ZNF518B: variants seen among roughly 807,000 people sequenced by gnomAD.
ZNF518B encodes zinc finger protein 518B.
In ZNF518B, 23 loss-of-function variants were observed where a neutral mutation model predicts 56.3. The observed-to-expected ratio is 0.41, with a 90% CI of 0.29 to 0.58. The LOEUF (loss-of-function observed/expected upper bound fraction) is 0.58, where lower values mean the gene tolerates loss of function less well. Ranked by LOEUF, ZNF518B falls within the 20% of genes least tolerant of loss-of-function variation. ZNF518B has a pLI of 0.32. For missense variants in ZNF518B, 1,460 were observed against 1,272.1 expected, an observed-to-expected ratio of 1.15 and a Z score of -2.25; for synonymous variants, 529 against 465.9, an observed-to-expected ratio of 1.14 and a Z score of -1.74.
rs371443084 is a variant in ZNF518B, at chr4:10,446,009, G to C, written c.320C>G (p.Ala107Gly). 1 of 1,614,004 alleles carries C rather than the reference G, an allele frequency of 6.2e-7. No individual in the cohort carries two copies. The highest frequency in any genetic ancestry group is 1.3e-5 in the African/African-American group (1 of 75,028). The change falls in exon 3 of 3, where the codon GCG (alanine) becomes GGG (glycine). Residue 107 changes from alanine to glycine, a missense_variant. Physicochemically the swap from Ala to Gly is moderately conservative, Grantham distance 60. Coordinates refer to ENST00000326756, the MANE Select transcript of ZNF518B (RefSeq NM_053042.3). ...TTCAGTTTTATTTCCAACATGAGTC[G>C]CACTGGAATTATTGCTCACAAAATG... is the stretch of plus-strand genomic sequence containing the variant. ...NFHFVSNNSS[A>G]THVGNKTENF...
chr4:10,448,017 C>A (rs768201945), intron 2 of ZNF518B, among the ~76,000 whole-genome samples: 1 of 152,154 alleles, frequency 6.6e-6, no homozygotes. Context: ...AGGAGCATAA[C>A]AAAATCCATT....
chr4:10,444,486 G>A lies in ZNF518B; in HGVS notation c.1843C>T (p.Pro615Ser), dbSNP rs1227605217. 1.4e-5 allele frequency: 23 copies of A among 1,614,090 alleles called. No individual in the cohort carries two copies. The highest frequency in any genetic ancestry group is 2.2e-5 in the East Asian group (1 of 44,886). Residue 615 changes from proline (P) to serine (S), a missense_variant, in exon 3 of 3, where the codon CCT becomes TCT. Pro to Ser is a moderately conservative substitution (Grantham distance 74, BLOSUM62 -1). Transcript: ENST00000326756. ...EDRSQQPGDK[P>S]LELKNSERTN... is the part of the protein sequence containing the mutation. ...CTTTCAGAATTCTTTAATTCCAAAG[G>A]CTTATCCCCAGGCTGTTGAGATCTA...
upstream of ZNF518B, among the ~76,000 whole-genome samples, chr4:10,460,889 C>G (rs563368282): frequency 6.6e-6 from 1 of 152,232 alleles, no homozygotes; most frequent in African/African-American, 2.4e-5. Context: ...TCAGACACTT[C>G]AAAACTTTAT....
Position 10,444,922 on chromosome 4 carries a change from C to T in ZNF518B, c.1407G>A (p.Leu469=). ...AAGGAAAAGCAGTTCTATGTGGATACAAATTATTTTTTTTCTGAAAATCCT... is the reference window on the plus strand; with the variant it reads ...AAGGAAAAGCAGTTCTATGTGGATATAAATTATTTTTTTTCTGAAAATCCT... ...TIEDFQKKNN[L]YPHRTAFPSV... Residue 469 remains leucine, a synonymous_variant, in exon 3 of 3, where the codon TTG becomes TTA. Coordinates refer to ENST00000326756, the MANE Select transcript of ZNF518B (RefSeq NM_053042.3). 1 of 1,611,012 alleles carries T rather than the reference C, an allele frequency of 6.2e-7. No homozygotes were observed. The highest frequency in any genetic ancestry group is 8.5e-7 in the Non-Finnish European group (1 of 1,179,028).
rs749706216 is a variant in ZNF518B at position 10,445,380 on chromosome 4, A to C, written c.949T>G (p.Ser317Ala). 24 of 1,614,230 alleles carry C rather than the reference A, an allele frequency of 1.5e-5. No homozygotes were observed. The highest frequency in any genetic ancestry group is 1.9e-5 in the Non-Finnish European group (22 of 1,180,036). ...GGCTGAACAGGTTCTTTTGCAGGGG[A>C]TAACACTTCTACTTCAACATTTTTG... ...ENKNVEVEVL[S>A]PAKEPVQPGM... Residue 317 changes from serine to alanine, a missense_variant, in exon 3 of 3, where the codon TCC becomes GCC. By Grantham distance (99) the Ser-to-Ala change is moderately conservative. Coordinates refer to ENST00000326756, the MANE Select transcript of ZNF518B (RefSeq NM_053042.3).
Position 10,440,612 on chromosome 4 carries a change from T to G in ZNF518B, c.*2492A>C, listed in dbSNP as rs1449993152. ...CCATTTTTGACTTCCAGAAACACTTTTAATTCCTTAAAAAGTATTCTAGTT... is the reference window on the plus strand; with the variant it reads ...CCATTTTTGACTTCCAGAAACACTTGTAATTCCTTAAAAAGTATTCTAGTT... On this transcript the variant is annotated 3_prime_UTR_variant, in exon 3 of 3. Transcript: ENST00000326756. 1.3e-5 allele frequency: 2 copies of G among 152,524 alleles called. No individual in the cohort carries two copies. Among genetic ancestry groups the G allele is most frequent in the African/African-American group, 4.8e-5 (2 of 41,458 alleles). The allele number at this position is 152,524 out of a possible 1,614,324, so 9.4% of individuals were successfully genotyped here. A position where few individuals can be genotyped will look rare whatever the true frequency, so the allele number is the denominator to read the frequency against.
chr4:10,453,753 T>C (rs1715420217), intron 2 of ZNF518B: 1 of 152,070 alleles, frequency 6.6e-6, no homozygotes, highest in Non-Finnish European at 1.5e-5. Flanking sequence ...CTTAAAAATT[T>C]GCAGAAAGAA....
chr4:10,448,293 C>G (rs1315344048), intron 2 of ZNF518B, among the ~76,000 whole-genome samples: 2 of 152,146 alleles, frequency 1.3e-5, no homozygotes, highest in Non-Finnish European at 2.9e-5. Flanking sequence ...TGGGTGGCAA[C>G]ACAGGTAGCT....
chr4:10,459,966 A>G (rs1376045841), upstream of ZNF518B, among the ~76,000 whole-genome samples: 2 of 152,146 alleles, frequency 1.3e-5, no homozygotes, highest in African/African-American at 2.4e-5. Flanking sequence ...CCTTGAGTAT[A>G]AGATTTGGGA....
At chr4:10,452,297 A>G (rs1454175993) in intron 2 of ZNF518B, 2 of 152,192 alleles carry the variant, frequency 1.3e-5, no homozygotes, top group Non-Finnish European at 2.9e-5. Context: ...ACCGTAAGCA[A>G]ACTTAAAGGG....
At chr4:10,456,969 CG>C (rs1715566178) in intron 1 of ZNF518B, among the ~76,000 whole-genome samples, 1 of 150,556 alleles carries the variant, frequency 6.6e-6, no homozygotes, top group Non-Finnish European at 1.5e-5. Flanking sequence ...GCGCGTCGGC[CG>C]AGTCCGCGGG....
chr4:10,450,864 AAC>A (rs1349622586), intron 2 of ZNF518B: 2 of 152,234 alleles, frequency 1.3e-5, no homozygotes, highest in Non-Finnish European at 2.9e-5. Flanking sequence ...AGGTCTCGAA[AAC>A]ACAGAAAAGA....
rs765665207 is a variant in ZNF518B at position 10,444,332 on chromosome 4, C to T, written c.1997G>A (p.Arg666His). 30 of 1,614,052 alleles carry T rather than the reference C, an allele frequency of 1.9e-5. No individual in the cohort carries two copies. Among genetic ancestry groups the T allele is most frequent in the South Asian group, 5.5e-5 (5 of 91,088 alleles). Residue 666 changes from arginine to histidine, a missense_variant, in exon 3 of 3, where the codon CGC (arginine) becomes CAC (histidine). By Grantham distance (29) the Arg-to-His change is conservative. Coordinates refer to ENST00000326756, the MANE Select transcript of ZNF518B (RefSeq NM_053042.3). Reference protein sequence around the residue: ...TSKIKSIELLRRKIAQLIESC... With the variant: ...TSKIKSIELLHRKIAQLIESC... ...CTCAATTAACTGAGCTATCTTTCTG[C>T]GCAACAGTTCAATTGACTTTATTTT... is the stretch of plus-strand genomic sequence containing the variant.
In ZNF518B at chr4:10,442,935, C is replaced by G; in HGVS notation, c.*169G>C. On this transcript the variant is annotated 3_prime_UTR_variant, in exon 3 of 3. Coordinates refer to ENST00000326756, the MANE Select transcript of ZNF518B (RefSeq NM_053042.3). The stretch of plus-strand genomic sequence containing the variant: ...GAGCCTTCAAATACATTCTGGGGTC[C>G]AATCACATACTTCAGGTTCAGACTC... The G allele has an allele frequency of 1.7e-6, 1 of 601,636 alleles. No individual in the cohort carries two copies. The highest frequency in any genetic ancestry group is 2.8e-5 in the East Asian group (1 of 35,870). 37.3% of individuals were successfully genotyped at this position (601,636 alleles called of 1,614,324 possible).
chr4:10,440,966 A>C lies in ZNF518B; in HGVS notation c.*2138T>G, dbSNP rs1181143534. The C allele has an allele frequency of 7.6e-6, 1 of 130,956 alleles. No homozygotes were observed. The highest frequency in any genetic ancestry group is 1.6e-5 in the Non-Finnish European group (1 of 61,142). 8.1% of individuals were successfully genotyped at this position (130,956 alleles called of 1,614,324 possible). ...GAGTACAATATATAACATGGATAAA[A>C]CTTCGAATGCTCTACGTAGTGAAGT... On this transcript the variant is annotated 3_prime_UTR_variant, in exon 3 of 3. Transcript: ENST00000326756.
intron 2 of ZNF518B, chr4:10,453,795 C>A (rs959943666): frequency 1.3e-5 from 2 of 152,140 alleles, no homozygotes; most frequent in African/African-American, 2.4e-5. Flanking sequence ...ACAGTATAAT[C>A]AAGCACAGAA....
rs139645633 is a variant in ZNF518B at position 10,450,194 on chromosome 4, T to C, written c.-211-3655A>G. On this transcript the variant is annotated intron_variant, in intron 2 of 2. Coordinates refer to ENST00000326756, the MANE Select transcript of ZNF518B (RefSeq NM_053042.3). ...GAATCCATAGGAGCAAGTGCCAATATGAAGCATGCAGCCATGATTATTAGC... is the reference window on the plus strand; with the variant it reads ...GAATCCATAGGAGCAAGTGCCAATACGAAGCATGCAGCCATGATTATTAGC... Among the ~76,000 whole-genome samples the C allele has an allele frequency of 1.8e-3, 272 of 152,288 alleles. 1 individual carries two copies. Among genetic ancestry groups the C allele is most frequent in the African/African-American group, 6.3e-3 (261 of 41,564 alleles).
At chr4:10,451,692 C>T (rs933947202) in intron 2 of ZNF518B, 9 of 152,106 alleles carry the variant, frequency 5.9e-5, no homozygotes, top group Non-Finnish European at 7.4e-5. Flanking sequence ...TTATACCGCC[C>T]GAAAGATAAT....
At chr4:10,449,311 T>TA (rs1715202975) in intron 2 of ZNF518B, among the ~76,000 whole-genome samples, 1 of 152,210 alleles carries the variant, frequency 6.6e-6, no homozygotes, top group Non-Finnish European at 1.5e-5. Flanking sequence ...TTGTGGCTTG[T>TA]AAAGGCACCC....
Sources: gnomAD v4.1 joint callset for allele counts (sites outside exome capture counted in the v4.1 genomes callset) on GRCh38, gnomAD v4.1.1 for gene constraint, MANE v1.5 for transcripts, NCBI Gene and HGNC (gene_info 2026-07-23, HGNC 2026-07-21) for gene names.